The following PHF21A variants were observed in gnomAD, a reference collection of about 807,000 sequenced individuals.
PHF21A encodes the protein PHD finger protein 21A.
PHF21A carries 11 observed loss-of-function variants against 82.5 expected under a neutral mutation model. The observed-to-expected ratio is 0.13, with a 90% CI of 0.08 to 0.22. The LOEUF (loss-of-function observed/expected upper bound fraction) is 0.22, where lower values mean the gene tolerates loss of function less well. Among genes scored for constraint, PHF21A ranks in the 10% least tolerant of loss-of-function variants. The pLI, the probability that PHF21A is intolerant of heterozygous loss-of-function variation, is 1.00. For synonymous variants in PHF21A, 297 were observed against 302.8 expected (o/e 0.98, Z 0.20); for missense variants, 579 against 837.8 (o/e 0.69, Z 3.81).
intron 6 of PHF21A, among the ~76,000 whole-genome samples, chr11:46,042,734 C>T (rs1374943296): frequency 1.3e-5 from 2 of 151,942 alleles, no homozygotes; most frequent in Non-Finnish European, 2.9e-5. Flanking sequence ...AGATTAGTGT[C>T]CTTATAAAAG....
intron 14 of PHF21A, among the ~76,000 whole-genome samples, chr11:45,948,382 T>C (rs940682831): frequency 6.6e-6 from 1 of 152,214 alleles, no homozygotes; most frequent in African/African-American, 2.4e-5. Context: ...TCTTCCTTAG[T>C]TGGAGATGCC....
At chr11:46,004,992 C>T (rs2095258762) in intron 6 of PHF21A, among the ~76,000 whole-genome samples, 1 of 152,152 alleles carries the variant, frequency 6.6e-6, no homozygotes, top group Non-Finnish European at 1.5e-5. Context: ...CTGCAAATGT[C>T]TCTGAATATG....
intron 6 of PHF21A, among the ~76,000 whole-genome samples, chr11:45,983,717 C>T (rs995219976): frequency 2.0e-5 from 3 of 152,120 alleles, no homozygotes; most frequent in African/African-American, 4.8e-5. Flanking sequence ...AATCCAGTCT[C>T]GTTCTAGTTC....
intron 1 of PHF21A, among the ~76,000 whole-genome samples, chr11:46,113,824 CAAAAAA>C (rs34398600): frequency 1.3e-5 from 1 of 77,226 alleles, no homozygotes; most frequent in African/African-American, 3.9e-5. Context: ...GATTCATTCT[CAAAAAA>C]AAAAAAAAAA....
At chr11:46,009,504 G>C (rs2095368627) in intron 6 of PHF21A, among the ~76,000 whole-genome samples, 1 of 152,128 alleles carries the variant, frequency 6.6e-6, no homozygotes, top group African/African-American at 2.4e-5. Context: ...AATAGCAGCT[G>C]CACACATTTA....
chr11:46,043,743 C>A (rs927518628), intron 6 of PHF21A, among the ~76,000 whole-genome samples: 2 of 152,064 alleles, frequency 1.3e-5, no homozygotes, highest in African/African-American at 2.4e-5. Flanking sequence ...ATCCTGAATG[C>A]AATGTCTGCA....
chr11:45,967,767 G>A (rs1340028713), intron 9 of PHF21A, among the ~76,000 whole-genome samples: 1 of 151,400 alleles, frequency 6.6e-6, no homozygotes, highest in Non-Finnish European at 1.5e-5. Flanking sequence ...ATGTCTGACT[G>A]AACTTAAAAC....
At chr11:45,998,081 G>A (rs893239592) in intron 6 of PHF21A, among the ~76,000 whole-genome samples, 2 of 152,136 alleles carry the variant, frequency 1.3e-5, no homozygotes, top group Non-Finnish European at 2.9e-5. Context: ...ACTGTGGAGA[G>A]AGGCTAAAAA....
At chr11:46,059,112 T>C (rs1182348031) in intron 6 of PHF21A, among the ~76,000 whole-genome samples, 1 of 152,224 alleles carries the variant, frequency 6.6e-6, no homozygotes, top group Admixed American at 6.5e-5. Flanking sequence ...GAAGCATCTA[T>C]TTATGTATTC....
At chr11:45,979,671 G>GTATA in intron 7 of PHF21A, 89 bp downstream of exon 7, 1 of 1,580,140 alleles carries the variant, frequency 6.3e-7, no homozygotes, top group Non-Finnish European at 8.7e-7. Flanking sequence ...GCTGAGCTTA[G>GTATA]TATAGTGTGA....
At chr11:46,060,560 C>T (rs2096522516) in intron 6 of PHF21A, among the ~76,000 whole-genome samples, 2 of 152,218 alleles carry the variant, frequency 1.3e-5, no homozygotes, top group South Asian at 4.1e-4. Flanking sequence ...ATGTGCATTT[C>T]TCTAAAGATC....
intron 6 of PHF21A, among the ~76,000 whole-genome samples, chr11:46,052,377 T>C (rs1240990294): frequency 6.6e-6 from 1 of 152,172 alleles, no homozygotes; most frequent in East Asian, 1.9e-4. Flanking sequence ...TTACTACTTA[T>C]ATATACCAAT....
intron 4 of PHF21A, among the ~76,000 whole-genome samples, chr11:46,082,352 C>T (rs2096802268): frequency 6.6e-6 from 1 of 152,148 alleles, no homozygotes; most frequent in South Asian, 2.1e-4. Flanking sequence ...GCCTAGTAAC[C>T]AACACCCCTA....
intron 6 of PHF21A, among the ~76,000 whole-genome samples, chr11:46,018,204 T>C (rs1233647148): frequency 4.7e-5 from 7 of 148,178 alleles, no homozygotes; most frequent in Non-Finnish European, 7.4e-5. Flanking sequence ...GAGCTGAGAT[T>C]GCGCCACTGC....
At chr11:46,039,885 A>G (rs1472778695) in intron 6 of PHF21A, among the ~76,000 whole-genome samples, 1 of 152,216 alleles carries the variant, frequency 6.6e-6, no homozygotes, top group Non-Finnish European at 1.5e-5. Context: ...GTACTTATCA[A>G]TCTGTTTAGC....
intron 1 of PHF21A, among the ~76,000 whole-genome samples, chr11:46,093,713 G>A (rs2096955290): frequency 6.6e-6 from 1 of 152,126 alleles, no homozygotes. Context: ...CTCAATAAAT[G>A]TTTGTTAAGT....
At chr11:45,960,387 A>G (rs964913782) in intron 10 of PHF21A, among the ~76,000 whole-genome samples, 1 of 152,222 alleles carries the variant, frequency 6.6e-6, no homozygotes, top group African/African-American at 2.4e-5. Context: ...GGGCACTGAT[A>G]TGTATTACCA....
chr11:46,028,454 T>C (rs2095796110), intron 6 of PHF21A, among the ~76,000 whole-genome samples: 2 of 152,066 alleles, frequency 1.3e-5, no homozygotes, highest in Admixed American at 6.6e-5. Context: ...TACAATCTAC[T>C]GCATTTTGAG....
chr11:45,988,611 A>C (rs1415545752), intron 6 of PHF21A, among the ~76,000 whole-genome samples: 1 of 152,208 alleles, frequency 6.6e-6, no homozygotes, highest in Middle Eastern at 3.2e-3. Context: ...CTGCTAGGCC[A>C]GGCGTGGTGG....
Sources: gnomAD v4.1 joint callset for allele counts (sites outside exome capture counted in the v4.1 genomes callset) on GRCh38, gnomAD v4.1.1 for gene constraint, MANE v1.5 for transcripts, NCBI Gene and HGNC (gene_info 2026-07-23, HGNC 2026-07-21) for gene names.